Variants in EPHA3 observed in about 807,000 individuals in gnomAD.
The protein encoded by EPHA3 is ephrin type-A receptor 3.
A neutral mutation model predicts 107.1 loss-of-function variants in EPHA3; 42 were observed. That is an observed-to-expected ratio of 0.39 (90% CI 0.31 to 0.51). The LOEUF is 0.51. Ranked by LOEUF, EPHA3 falls within the 20% of genes least tolerant of loss-of-function variation. The probability of loss-of-function intolerance (pLI) is 0.78; values close to 1 mark genes in which losing one functional copy is unlikely to be tolerated. For missense variants in EPHA3, 1,183 were observed against 1,211.2 expected (o/e 0.98, Z 0.35); for synonymous variants, 461 against 424.8 (o/e 1.09, Z -1.05).
chr3:89,115,453 G>A (rs1210231953), intron 1 of EPHA3, among the ~76,000 whole-genome samples: 1 of 152,082 alleles, frequency 6.6e-6, no homozygotes, highest in Non-Finnish European at 1.5e-5. Context: ...ACATGGAATG[G>A]GCAAGAGAGG....
chr3:89,372,922 T>C (rs759940644), intron 5 of EPHA3, among the ~76,000 whole-genome samples: 9 of 151,828 alleles, frequency 5.9e-5, no homozygotes, highest in Non-Finnish European at 8.8e-5. Context: ...TATGTCTACA[T>C]AGAACTGCTG....
chr3:89,381,238 C>T (rs547361871), intron 5 of EPHA3, among the ~76,000 whole-genome samples: 1 of 151,860 alleles, frequency 6.6e-6, no homozygotes. Flanking sequence ...TCCCAGAGTG[C>T]TGGGATTACA....
At chr3:89,378,869 A>G (rs577232801) in intron 5 of EPHA3, among the ~76,000 whole-genome samples, 27 of 152,302 alleles carry the variant, frequency 1.8e-4, no homozygotes, top group African/African-American at 6.5e-4. Context: ...AACATCAATC[A>G]GTTAATCAGT....
At chr3:89,313,251 A>G (rs1466178488) in intron 3 of EPHA3, among the ~76,000 whole-genome samples, 4 of 151,942 alleles carry the variant, frequency 2.6e-5, no homozygotes, top group Admixed American at 2.0e-4. Flanking sequence ...TTTCTTACAG[A>G]TAGCATATAA....
chr3:89,446,230 A>G (rs1418997292), intron 13 of EPHA3, among the ~76,000 whole-genome samples: 3 of 152,188 alleles, frequency 2.0e-5, no homozygotes, highest in African/African-American at 4.8e-5. Flanking sequence ...AACATACTGT[A>G]TAAGTCCCAG....
At chr3:89,471,306 G>A (rs1710396377) in intron 15 of EPHA3, among the ~76,000 whole-genome samples, 1 of 152,104 alleles carries the variant, frequency 6.6e-6, no homozygotes, top group Non-Finnish European at 1.5e-5. Context: ...TCTTGCAGGT[G>A]GTTATAGATA....
At chr3:89,431,591 A>G (rs1709571165) in intron 13 of EPHA3, among the ~76,000 whole-genome samples, 2 of 152,116 alleles carry the variant, frequency 1.3e-5, no homozygotes, top group Non-Finnish European at 2.9e-5. Flanking sequence ...AATGTTCCCC[A>G]CCAAAAGCAG....
intron 5 of EPHA3, among the ~76,000 whole-genome samples, chr3:89,377,644 C>T (rs1423118567): frequency 1.3e-5 from 2 of 151,974 alleles, no homozygotes; most frequent in Non-Finnish European, 2.9e-5. Context: ...TAGCATTTTT[C>T]CCTCATTTTT....
intron 5 of EPHA3, among the ~76,000 whole-genome samples, chr3:89,393,842 T>C (rs1459868422): frequency 6.6e-6 from 1 of 152,168 alleles, no homozygotes; most frequent in Non-Finnish European, 1.5e-5. Context: ...TTTATAAATA[T>C]AGAATATGTT....
At chr3:89,206,938 TC>T (rs1291213961) in intron 2 of EPHA3, among the ~76,000 whole-genome samples, 4 of 152,302 alleles carry the variant, frequency 2.6e-5, no homozygotes, top group Admixed American at 1.3e-4. Context: ...TTGTTGAATC[TC>T]GGATGTGACA....
intron 5 of EPHA3, among the ~76,000 whole-genome samples, chr3:89,347,664 G>A (rs1000263327): frequency 2.7e-5 from 4 of 150,852 alleles, no homozygotes; most frequent in Non-Finnish European, 5.9e-5. Flanking sequence ...GAATAAGAGT[G>A]GTGAGAGAGG....
intron 3 of EPHA3, among the ~76,000 whole-genome samples, chr3:89,241,760 T>A (rs1704901149): frequency 6.6e-6 from 1 of 152,184 alleles, no homozygotes; most frequent in East Asian, 1.9e-4. Context: ...ATCTGAATAG[T>A]CTATTATTTC....
chr3:89,293,513 G>A (rs1038134427), intron 3 of EPHA3, among the ~76,000 whole-genome samples: 4 of 152,206 alleles, frequency 2.6e-5, no homozygotes, highest in East Asian at 1.9e-4. Flanking sequence ...TTGTATCTGT[G>A]TCCCCACTCA....
chr3:89,364,608 T>C (rs1708154322), intron 5 of EPHA3, among the ~76,000 whole-genome samples: 1 of 151,232 alleles, frequency 6.6e-6, no homozygotes, highest in South Asian at 2.1e-4. Context: ...TAAACCCTTG[T>C]TAAAAAACCA....
intron 3 of EPHA3, among the ~76,000 whole-genome samples, chr3:89,250,989 C>A (rs2107262953): frequency 6.6e-6 from 1 of 152,246 alleles, no homozygotes; most frequent in East Asian, 1.9e-4. Context: ...GGATTAACAT[C>A]TTTCATGGAA....
At chr3:89,358,837 A>C (rs559908425) in intron 5 of EPHA3, among the ~76,000 whole-genome samples, 1 of 151,466 alleles carries the variant, frequency 6.6e-6, no homozygotes, top group South Asian at 2.1e-4. Context: ...GAAATGCTTT[A>C]AGTTATGTAC....
chr3:89,311,503 A>G (rs916908006), intron 3 of EPHA3, among the ~76,000 whole-genome samples: 5 of 152,010 alleles, frequency 3.3e-5, no homozygotes, highest in African/African-American at 1.2e-4. Context: ...TTCCATATAT[A>G]TCATGTACTT....
At chr3:89,458,997 G>A (rs930431205) in intron 15 of EPHA3, among the ~76,000 whole-genome samples, 21 of 152,142 alleles carry the variant, frequency 1.4e-4, no homozygotes, top group African/African-American at 4.6e-4. Context: ...ATGGACTCAG[G>A]GAGAGGAACA....
chr3:89,235,785 G>C (rs947790550), intron 3 of EPHA3, among the ~76,000 whole-genome samples: 1 of 151,386 alleles, frequency 6.6e-6, no homozygotes. Context: ...TAAAAAATCA[G>C]TTTACATATT....
Sources: gnomAD v4.1 joint callset for allele counts (sites outside exome capture counted in the v4.1 genomes callset) on GRCh38, gnomAD v4.1.1 for gene constraint, MANE v1.5 for transcripts, NCBI Gene and HGNC (gene_info 2026-07-23, HGNC 2026-07-21) for gene names.